Variants in SMARCA2 observed in about 807,000 individuals in gnomAD.
SMARCA2 encodes the protein SWI/SNF-related matrix-associated actin-dependent regulator of chromatin subfamily A member 2.
A neutral mutation model predicts 199.8 loss-of-function variants in SMARCA2; 61 were observed. The ratio of observed to expected loss-of-function variants is 0.31; its 90% CI spans 0.25 to 0.38. The LOEUF is 0.38. Among genes scored for constraint, SMARCA2 ranks in the 10% least tolerant of loss-of-function variants. The pLI is 1.00. For missense variants in SMARCA2, 1,344 were observed against 2,012.2 expected (o/e 0.67, Z 6.35); for synonymous variants, 935 against 732.0 (o/e 1.28, Z -4.48).
intron 27 of SMARCA2, chr9:2,159,993 C>A: frequency 2.6e-6 from 4 of 1,530,320 alleles, no homozygotes; most frequent in East Asian, 4.9e-5. Context: ...CATCAAAAGC[C>A]GGTGTTCTCC....
chr9:2,072,396 G>T (rs1386426660), intron 10 of SMARCA2, among the ~76,000 whole-genome samples: 1 of 152,216 alleles, frequency 6.6e-6, no homozygotes, highest in East Asian at 1.9e-4. Context: ...CTTGGATATA[G>T]TAGTCTAGTA....
intron 21 of SMARCA2, among the ~76,000 whole-genome samples, chr9:2,101,018 T>C (rs1442093407): frequency 6.6e-6 from 1 of 152,018 alleles, no homozygotes; most frequent in African/African-American, 2.4e-5. Context: ...TCGTGAGACT[T>C]ATTCACAACC....
chr9:2,031,690 C>T (rs1000949363), intron 2 of SMARCA2, among the ~76,000 whole-genome samples: 3 of 152,176 alleles, frequency 2.0e-5, no homozygotes, highest in East Asian at 1.9e-4. Context: ...TGCTCGCATT[C>T]TGTGAGTTTT....
rs1201671363 is a variant in SMARCA2 at position 2,047,340 on chromosome 9, C to T, written c.902C>T (p.Ala301Val). 1.6e-6 allele frequency: 2 copies of T among 1,261,672 alleles called. No individual in the cohort carries two copies. Among genetic ancestry groups the T allele is most frequent in the Non-Finnish European group, 2.0e-6 (2 of 989,652 alleles). The allele number at this position is 1,261,672 out of a possible 1,614,324, so 78.2% of individuals were successfully genotyped here. ...GCAGCCGCGCAGCCGCCCGCGGCCG[C>T]AGTGCCCGGGCCCTCAGTGCCGCAG... ...PPAAAQPPAA[A>V]VPGPSVPQPA... Residue 301 changes from alanine to valine, a missense_variant, in exon 5 of 34, where the codon GCA (alanine) becomes GTA (valine). Transcript: ENST00000349721.
intron 27 of SMARCA2, among the ~76,000 whole-genome samples, chr9:2,140,280 A>G (rs774501079): frequency 1.3e-5 from 2 of 152,198 alleles, no homozygotes; most frequent in Non-Finnish European, 2.9e-5. Flanking sequence ...TTTCAAGACC[A>G]TATTCATTTG....
At chr9:2,042,405 C>T (rs1055846176) in intron 4 of SMARCA2, 2 of 152,182 alleles carry the variant, frequency 1.3e-5, no homozygotes, top group Non-Finnish European at 2.9e-5. Context: ...CATCACCAAG[C>T]ATTGGTATTT....
Position 2,104,105 on chromosome 9 carries a change from A to G in SMARCA2, c.3228A>G (p.Thr1076=), listed in dbSNP as rs775933014. ...GAGTGCTGCTTTTCTGCCAGATGAC[A>G]TCTCTCATGACCATCATGGAGGATT... ...NHRVLLFCQM[T]SLMTIMEDYF... Residue 1076 remains threonine, a synonymous_variant, in exon 23 of 34, where the codon ACA becomes ACG. Coordinates refer to ENST00000349721, the MANE Select transcript of SMARCA2 (RefSeq NM_003070.5). The surrounding 1 kb of genome is among the most constrained non-coding windows in gnomAD (Gnocchi z 4.0). The G allele has an allele frequency of 1.4e-5, 22 of 1,613,988 alleles. No homozygotes were observed. The highest frequency in any genetic ancestry group is 1.9e-5 in the Non-Finnish European group (22 of 1,180,014).
chr9:2,084,380 G>T (rs1821704222), intron 17 of SMARCA2, among the ~76,000 whole-genome samples, 184 bp downstream of exon 17: 1 of 97,426 alleles, frequency 1.0e-5, no homozygotes, highest in African/African-American at 3.6e-5. Context: ...CTGTGTGTGT[G>T]TGTGTGTGTG....
intron 27 of SMARCA2, among the ~76,000 whole-genome samples, chr9:2,155,399 C>T (rs1201533081): frequency 6.6e-6 from 1 of 152,126 alleles, no homozygotes; most frequent in Non-Finnish European, 1.5e-5. Flanking sequence ...TCTCCTGCCT[C>T]AGCCTCCCGA....
chr9:2,176,058 T>G (rs1289429754), intron 29 of SMARCA2, among the ~76,000 whole-genome samples: 2 of 152,060 alleles, frequency 1.3e-5, no homozygotes, highest in Non-Finnish European at 2.9e-5. Flanking sequence ...TTTTTTTATT[T>G]TTGGTAAAGA....
At chr9:2,022,708 G>A (rs970489231) in intron 1 of SMARCA2, among the ~76,000 whole-genome samples, 1 of 152,202 alleles carries the variant, frequency 6.6e-6, no homozygotes, top group African/African-American at 2.4e-5. Flanking sequence ...AGTCAGAAAA[G>A]GAAGTGGCTG....
chr9:2,078,370 G>C (rs1442192351), intron 14 of SMARCA2, among the ~76,000 whole-genome samples: 3 of 152,082 alleles, frequency 2.0e-5, no homozygotes, highest in African/African-American at 7.2e-5. Flanking sequence ...TACTCTGGAG[G>C]CTGAAGCAGG....
In SMARCA2 at chr9:2,020,794, A is replaced by G. The variant is rs141808626; in HGVS notation, c.-37+5390A>G. On this transcript the variant is annotated intron_variant, in intron 1 of 33. Transcript: ENST00000349721. ...CTCAGAAAAACATACAATAGAGCCA[A>G]TGAAATTCAGGAACAAAATAGCTGG... is the stretch of plus-strand genomic sequence containing the variant. Among the ~76,000 whole-genome samples, 602 of 152,332 alleles carry G rather than the reference A, an allele frequency of 4.0e-3. 5 individuals are homozygous for G. Among genetic ancestry groups the G allele is most frequent in the African/African-American group, 0.013 (555 of 41,582 alleles).
At chr9:2,154,229 C>T (rs769481291) in intron 27 of SMARCA2, among the ~76,000 whole-genome samples, 2 of 152,186 alleles carry the variant, frequency 1.3e-5, no homozygotes, top group Non-Finnish European at 2.9e-5. Flanking sequence ...GAGTGGCTGT[C>T]AACACAGCAA....
chr9:2,186,074 A>C, intron 31 of SMARCA2, 22 bp from the exon 32 acceptor site: 1 of 1,611,252 alleles, frequency 6.2e-7, no homozygotes, highest in Non-Finnish European at 8.5e-7. Context: ...CAGTTTTAAC[A>C]GATGCCCCTT....
chr9:2,192,473 C>CA, intron 33 of SMARCA2: 1 of 546,110 alleles, frequency 1.8e-6, no homozygotes, highest in East Asian at 3.2e-5. Flanking sequence ...AGGGCACAAA[C>CA]AATAGCTTAG....
Position 2,156,417 on chromosome 9 carries a change from T to C in SMARCA2, c.3982-5269T>C, listed in dbSNP as rs1488921170. 2.4e-4 allele frequency among the ~76,000 whole-genome samples: 3 copies of C among 12,438 alleles called. No homozygotes were observed. In the South Asian group the frequency reaches 8.7e-3, roughly 36 times the overall value. The allele number at this position is 12,438 out of a possible 152,430, so 8.2% of individuals were successfully genotyped here. Reference sequence around the variant, plus strand: ...CCATAAAGTTTACCATTTTAGACTTTTTTTTTTTTTTTTTTTTTTTTTTTT... The same window carrying C: ...CCATAAAGTTTACCATTTTAGACTTCTTTTTTTTTTTTTTTTTTTTTTTTT... On this transcript the variant is annotated intron_variant, in intron 27 of 33. Transcript: ENST00000349721.
At chr9:2,177,172 G>A (rs1826668240) in intron 29 of SMARCA2, among the ~76,000 whole-genome samples, 1 of 152,150 alleles carries the variant, frequency 6.6e-6, no homozygotes, top group Admixed American at 6.5e-5. Context: ...CTGAAAAGAA[G>A]CAGCACACTT....
At chr9:2,026,049 C>G (rs1272130221) in intron 1 of SMARCA2, among the ~76,000 whole-genome samples, 2 of 152,136 alleles carry the variant, frequency 1.3e-5, no homozygotes, top group African/African-American at 4.8e-5. Context: ...TACTCCTATC[C>G]TGAGCCTAGA....
Sources: allele counts gnomAD v4.1 joint callset (sites outside exome capture counted in the v4.1 genomes callset), GRCh38; gene constraint gnomAD v4.1.1; non-coding constraint Gnocchi (gnomAD v3.1); transcripts MANE v1.5; gene names NCBI Gene and HGNC (gene_info 2026-07-23, HGNC 2026-07-21).